The following CPNE9 variants were observed in gnomAD, a reference collection of about 807,000 sequenced individuals.
CPNE9 encodes the protein copine family member 9.
CPNE9 carries 59 observed loss-of-function variants against 83.0 expected under a neutral mutation model. The observed-to-expected ratio is 0.71, with a 90% CI of 0.58 to 0.88. CPNE9 has a LOEUF of 0.88. CPNE9 is among the 40% of genes least tolerant of loss of function. The pLI, the probability that CPNE9 is intolerant of heterozygous loss-of-function variation, is 0.00. For missense variants in CPNE9, 619 were observed against 720.8 expected (o/e 0.86, Z 1.62); for synonymous variants, 256 against 273.4 (o/e 0.94, Z 0.63).
In CPNE9 at chr3:9,704,147, C is replaced by A; in HGVS notation, c.68+83C>A. On this transcript the variant is annotated intron_variant, in intron 1 of 20. Coordinates refer to ENST00000383832, the MANE Select transcript of CPNE9 (RefSeq NM_153635.3). This position sits in a 1 kb window ranked among gnomAD's most constrained non-coding sequence, Gnocchi z 7.1. ...CCGCGGGGCTCAGCCTGGGCAGGGG[C>A]TAGACCCCCGGGGAGAGGCGAAATT... is the stretch of plus-strand genomic sequence containing the variant. 2 of 1,349,822 alleles carry A rather than the reference C, an allele frequency of 1.5e-6. No individual in the cohort carries two copies. The highest frequency in any genetic ancestry group is 2.0e-6 in the Non-Finnish European group (2 of 975,748). The allele number at this position is 1,349,822 out of a possible 1,614,324, so 83.6% of individuals were successfully genotyped here.
intron 20 of CPNE9, among the ~76,000 whole-genome samples, chr3:9,727,986 G>A (rs1203797505): frequency 6.6e-6 from 1 of 152,184 alleles, no homozygotes; most frequent in African/African-American, 2.4e-5. Context: ...GACAGGGAGT[G>A]AGGAGGGCTT....
In CPNE9 at chr3:9,715,531, G is replaced by C; in HGVS notation, c.822+5G>C. 1.2e-6 allele frequency: 2 copies of C among 1,613,038 alleles called. No individual in the cohort carries two copies. The highest frequency in any genetic ancestry group is 8.5e-7 in the Non-Finnish European group (1 of 1,179,026). On this transcript the variant is annotated splice_donor_5th_base_variant and intron_variant, in intron 13 of 20. Coordinates refer to ENST00000383832, the MANE Select transcript of CPNE9 (RefSeq NM_153635.3). ...AAATATGTCAACTCAGGAACTGTGAGTGCTCCCTAGAGCCGTGGCCCTCCC... is the reference window on the plus strand; with the variant it reads ...AAATATGTCAACTCAGGAACTGTGACTGCTCCCTAGAGCCGTGGCCCTCCC...
At chr3:9,725,284 C>T (rs1263752653) in intron 17 of CPNE9, among the ~76,000 whole-genome samples, 1 of 151,982 alleles carries the variant, frequency 6.6e-6, no homozygotes, top group African/African-American at 2.4e-5. Flanking sequence ...CCTGTGCTCC[C>T]AGCACTTTGA....
Position 9,712,834 on chromosome 3 carries a change from T to C in CPNE9, c.545+6T>C. On this transcript the variant is annotated splice_donor_region_variant and intron_variant, in intron 9 of 20. Transcript: ENST00000383832. ...AGGAGCAATGAGGATGGCACGTGAG[T>C]CACTGCCATCAGGGCTGTTAGGCTG... is the stretch of plus-strand genomic sequence containing the variant. 6.2e-7 allele frequency: 1 copy of C among 1,609,624 alleles called. No individual in the cohort carries two copies. The highest frequency in any genetic ancestry group is 8.5e-7 in the Non-Finnish European group (1 of 1,176,082).
intron 17 of CPNE9, 82 bp from the exon 18 acceptor site, chr3:9,725,867 C>A (rs2076780068): frequency 2.8e-6 from 3 of 1,053,330 alleles, no homozygotes; most frequent in Non-Finnish European, 4.5e-6. Flanking sequence ...TGCCCACACA[C>A]TGGCTGTGGA....
intron 18 of CPNE9, among the ~76,000 whole-genome samples, 155 bp downstream of exon 18, chr3:9,726,206 T>C (rs2076783532): frequency 6.6e-6 from 1 of 152,206 alleles, no homozygotes; most frequent in African/African-American, 2.4e-5. Context: ...TAGAGGACTT[T>C]GATTTCCAGC....
intron 20 of CPNE9, among the ~76,000 whole-genome samples, chr3:9,728,454 T>C (rs1365387760): frequency 1.3e-5 from 2 of 152,078 alleles, no homozygotes; most frequent in Non-Finnish European, 2.9e-5. Context: ...AGAAACCCCG[T>C]CTCTACTAAA....
chr3:9,721,086 C>T (rs1328506016), intron 17 of CPNE9, among the ~76,000 whole-genome samples: 2 of 152,212 alleles, frequency 1.3e-5, no homozygotes, highest in Non-Finnish European at 2.9e-5. Context: ...TTATTACTAT[C>T]CAAAAGGCAT....
chr3:9,727,566 G>A (rs1210540730), intron 20 of CPNE9: 3 of 609,212 alleles, frequency 4.9e-6, no homozygotes, highest in Non-Finnish European at 8.8e-6. Flanking sequence ...AGCTTGCCAA[G>A]ACCTAAGGGA....
Position 9,726,058 on chromosome 3 carries a change from C to T in CPNE9, c.1344+7C>T, listed in dbSNP as rs555885422. The T allele has an allele frequency of 1.9e-6, 3 of 1,575,218 alleles. No homozygotes were observed. The highest frequency in any genetic ancestry group is 2.3e-5 in the South Asian group (2 of 88,580). ...CAAGGAGGCCATCGTCAGCGTGAGT[C>T]TGAGGAGGAGGGCTTGGCAGGGAGG... On this transcript the variant is annotated splice_region_variant and intron_variant, in intron 18 of 20. Transcript: ENST00000383832.
At chr3:9,709,647 C>T (rs1048223235) in intron 7 of CPNE9, among the ~76,000 whole-genome samples, 9 of 151,766 alleles carry the variant, frequency 5.9e-5, no homozygotes, top group Non-Finnish European at 1.0e-4. Context: ...GGATTACAGA[C>T]GTGAGCTGCC....
At chr3:9,717,411 A>C (rs1176326045) in intron 15 of CPNE9, among the ~76,000 whole-genome samples, 3 of 152,198 alleles carry the variant, frequency 2.0e-5, no homozygotes, top group African/African-American at 7.2e-5. Context: ...ATCCATGAAC[A>C]AATGGAGTGG....
intron 17 of CPNE9, among the ~76,000 whole-genome samples, chr3:9,722,579 C>G (rs746422432): frequency 6.6e-6 from 1 of 151,968 alleles, no homozygotes; most frequent in South Asian, 2.1e-4. Context: ...GGTACCATTA[C>G]AGCTCACAGC....
Position 9,729,710 on chromosome 3 carries a change from T to C in CPNE9, c.*18T>C, listed in dbSNP as rs1163613310. On this transcript the variant is annotated 3_prime_UTR_variant, in exon 21 of 21. Transcript: ENST00000383832. ...AGCCCTGAGGATTCCACATATCCAATGCCTCACAGTCTGCAAGCCTGCTCA... is the reference window on the plus strand; with the variant it reads ...AGCCCTGAGGATTCCACATATCCAACGCCTCACAGTCTGCAAGCCTGCTCA... The C allele has an allele frequency of 1.3e-6, 2 of 1,597,180 alleles. No homozygotes were observed. The highest frequency in any genetic ancestry group is 8.6e-7 in the Non-Finnish European group (1 of 1,167,634).
At chr3:9,712,478 T>G (rs1366405705) in intron 7 of CPNE9, 63 bp from the exon 8 acceptor site, 6 of 1,348,932 alleles carry the variant, frequency 4.4e-6, no homozygotes, top group Non-Finnish European at 6.4e-6. Context: ...AACCCCAGAC[T>G]GGCCACTCAA....
intron 19 of CPNE9, among the ~76,000 whole-genome samples, 185 bp from the exon 20 acceptor site, chr3:9,726,928 G>A (rs1043303014): frequency 3.3e-5 from 5 of 152,184 alleles, no homozygotes; most frequent in African/African-American, 1.2e-4. Flanking sequence ...GTTCCTGGGA[G>A]GATGGACTGC....
At chr3:9,705,401 C>G (rs1280903813) in intron 4 of CPNE9, 63 bp from the exon 5 acceptor site, 1 of 1,228,398 alleles carries the variant, frequency 8.1e-7, no homozygotes, top group Non-Finnish European at 1.2e-6. Context: ...ACTCGGTGCC[C>G]GACCCCTTTC....
At chr3:9,729,087 A>AG (rs527455159) in intron 20 of CPNE9, among the ~76,000 whole-genome samples, 3 of 152,150 alleles carry the variant, frequency 2.0e-5, no homozygotes, top group East Asian at 1.9e-4. Context: ...TGGTGGTGGG[A>AG]GGGGGGAGCT....
chr3:9,729,751 T>G lies in CPNE9; in HGVS notation c.*59T>G, dbSNP rs989574143. The G allele has an allele frequency of 3.9e-6, 6 of 1,538,136 alleles. No homozygotes were observed. In the African/African-American group the frequency reaches 8.2e-5, roughly 21 times the overall value. Reference sequence around the variant, plus strand: ...AGCCTGCTCACCCACTGCTTCTGCTTTAAGCCAGAGGCACCTGGAACCCTG... The same window carrying G: ...AGCCTGCTCACCCACTGCTTCTGCTGTAAGCCAGAGGCACCTGGAACCCTG... On this transcript the variant is annotated 3_prime_UTR_variant, in exon 21 of 21. Transcript: ENST00000383832.
Sources: allele counts gnomAD v4.1 joint callset (sites outside exome capture counted in the v4.1 genomes callset), GRCh38; gene constraint gnomAD v4.1.1; non-coding constraint Gnocchi (gnomAD v3.1); transcripts MANE v1.5; gene names NCBI Gene and HGNC (gene_info 2026-07-23, HGNC 2026-07-21).